SHE: variants seen among roughly 807,000 people sequenced by gnomAD.
SHE encodes SH2 domain-containing adapter protein E.
Under a neutral mutation model 49.8 loss-of-function variants are expected in SHE, and 11 were observed. The observed-to-expected ratio is 0.22, with a 90% CI of 0.14 to 0.37. The LOEUF (loss-of-function observed/expected upper bound fraction) is 0.37. Ranked by LOEUF, SHE falls within the 10% of genes least tolerant of loss-of-function variation. SHE has a pLI of 1.00. For missense variants in SHE, 624 were observed against 655.5 expected, an observed-to-expected ratio of 0.95 and a Z score of 0.52; for synonymous variants, 310 against 278.1, an observed-to-expected ratio of 1.11 and a Z score of -1.14.
At chr1:154,492,076 G>T (rs1176105808) in intron 2 of SHE, among the ~76,000 whole-genome samples, 4 of 152,102 alleles carry the variant, frequency 2.6e-5, no homozygotes, top group African/African-American at 9.7e-5. Flanking sequence ...AACAAAAAGA[G>T]GGCAACAAAT....
intron 1 of SHE, among the ~76,000 whole-genome samples, chr1:154,472,710 G>A (rs761517199): frequency 8.5e-5 from 13 of 152,182 alleles, no homozygotes; most frequent in Non-Finnish European, 1.3e-4. Flanking sequence ...GCTGGGGACC[G>A]CAGGGCTAGA....
rs143922591 is a variant in SHE, at chr1:154,486,644, T to G, written c.1064A>C (p.Glu355Ala). The G allele has an allele frequency of 5.6e-5, 91 of 1,613,930 alleles. No individual in the cohort carries two copies. In the East Asian group the frequency reaches 1.6e-3, roughly 28 times the overall value. The change falls in exon 4 of 6, where the codon GAG (glutamate) becomes GCG (alanine). Residue 355 changes from glutamate to alanine, a missense_variant. Coordinates refer to ENST00000304760, the MANE Select transcript of SHE (RefSeq NM_001010846.3). ...CTGCCGGTGGTGCTGCCTCACTGTC[T>G]CCTCCCTGAAGGAAGGTCGCTCAGC... ...EGAERPSFREETVRQHHRQKS... is the reference protein window; with the variant it reads ...EGAERPSFREATVRQHHRQKS...
rs1692278288 is a variant in SHE, at chr1:154,489,085, C to T, written c.990G>A (p.Glu330=). The T allele has an allele frequency of 6.2e-7, 1 of 1,602,802 alleles. No individual in the cohort carries two copies. Among genetic ancestry groups the T allele is most frequent in the Non-Finnish European group, 8.5e-7 (1 of 1,173,080 alleles). Residue 330 remains glutamate, a synonymous_variant, in exon 3 of 6, where the codon GAG becomes GAA. Transcript: ENST00000304760. ...CCCGCACGATCTGCTCCTTCTTCCACTCCCATGGCTGCTCGTACTCTGCCG... is the reference window on the plus strand; with the variant it reads ...CCCGCACGATCTGCTCCTTCTTCCATTCCCATGGCTGCTCGTACTCTGCCG... The part of the protein sequence containing the change: ...RPAAEYEQPW[E]WKKEQIVRAL...
chr1:154,474,010 C>G (rs1691816458), intron 1 of SHE, among the ~76,000 whole-genome samples: 1 of 152,156 alleles, frequency 6.6e-6, no homozygotes, highest in Non-Finnish European at 1.5e-5. Flanking sequence ...AAACCTGGGC[C>G]TGCTGGACTG....
downstream of SHE, among the ~76,000 whole-genome samples, chr1:154,476,046 C>A (rs747792500): frequency 1.3e-5 from 2 of 152,222 alleles, no homozygotes; most frequent in Non-Finnish European, 2.9e-5. Flanking sequence ...CTTGCAAGTA[C>A]ACCATCTGAA....
chr1:154,499,196 G>T lies in SHE; in HGVS notation c.634C>A (p.Arg212=). 1 of 1,614,052 alleles carries T rather than the reference G, an allele frequency of 6.2e-7. No individual in the cohort carries two copies. The change falls in exon 2 of 6, where the codon CGG becomes AGG. Residue 212 remains arginine (R), a synonymous_variant. Coordinates refer to ENST00000304760, the MANE Select transcript of SHE (RefSeq NM_001010846.3). ...EDYADPYDAK[R]TKGQRDAERV... is the part of the protein sequence containing the mutation. ...TCTGCATCCCTTTGACCCTTTGTCC[G>T]TTTGGCATCATAAGGGTCAGCATAG...
intron 2 of SHE, among the ~76,000 whole-genome samples, chr1:154,496,898 C>T (rs1456101644): frequency 6.6e-6 from 1 of 152,034 alleles, no homozygotes; most frequent in Non-Finnish European, 1.5e-5. Context: ...AGAATAAAAA[C>T]CCAAGGACAA....
chr1:154,472,705 G>A (rs544359797), intron 1 of SHE, among the ~76,000 whole-genome samples: 35 of 152,178 alleles, frequency 2.3e-4, no homozygotes, highest in Non-Finnish European at 4.6e-4. Flanking sequence ...TCTGTGCTGG[G>A]GACCGCAGGG....
rs1692801595 is a variant in SHE, at chr1:154,502,102, C to A, written c.-76G>T. 2 of 1,147,488 alleles carry A rather than the reference C, an allele frequency of 1.7e-6. No individual in the cohort carries two copies. The highest frequency in any genetic ancestry group is 4.4e-5 in the Admixed American group (1 of 22,666). The allele number at this position is 1,147,488 out of a possible 1,614,324, so 71.1% of individuals were successfully genotyped here. A position where few individuals can be genotyped will look rare whatever the true frequency, so the allele number is the denominator to read the frequency against. ...TCCGTGCGCCCCCGGCCGGCCGTCG[C>A]CCACGCCCGGCAGGGTGGGGTTCTC... On this transcript the variant is annotated 5_prime_UTR_variant, in exon 1 of 6. Transcript: ENST00000304760.
chr1:154,482,920 A>G lies in SHE; in HGVS notation c.*1229T>C. 1 of 985,036 alleles carries G rather than the reference A, an allele frequency of 1.0e-6. No individual in the cohort carries two copies. The highest frequency in any genetic ancestry group is 1.2e-6 in the Non-Finnish European group (1 of 829,596). The allele number at this position is 985,036 out of a possible 1,614,324, so 61.0% of individuals were successfully genotyped here. On this transcript the variant is annotated 3_prime_UTR_variant, in exon 6 of 6. Transcript: ENST00000304760. ...GGGTTGCATTTTTAAAAAATTTACTACAAAGCAAATCTAATTTTAGAGACA... is the reference window on the plus strand; with the variant it reads ...GGGTTGCATTTTTAAAAAATTTACTGCAAAGCAAATCTAATTTTAGAGACA...
intron 2 of SHE, among the ~76,000 whole-genome samples, chr1:154,490,228 G>GT (rs1692321795): frequency 6.6e-6 from 1 of 152,198 alleles, no homozygotes; most frequent in African/African-American, 2.4e-5. Flanking sequence ...ATAAATCAAA[G>GT]TAAAAGAAGT....
intron 1 of SHE, among the ~76,000 whole-genome samples, chr1:154,470,945 G>A (rs1403165541): frequency 1.3e-5 from 2 of 152,008 alleles, no homozygotes; most frequent in African/African-American, 4.8e-5. Context: ...GGGAGGCGGA[G>A]GTTTCAGTGA....
At chr1:154,470,355 G>A in exon 2 of SHE, 1 of 1,289,206 alleles carries the variant, frequency 7.8e-7, no homozygotes, top group Non-Finnish European at 1.0e-6. Flanking sequence ...GAGAGCAGAT[G>A]GTGATTTCTG....
At chr1:154,477,306 A>G (rs1262101105), downstream of SHE, among the ~76,000 whole-genome samples, 1 of 152,232 alleles carries the variant, frequency 6.6e-6, no homozygotes, top group African/African-American at 2.4e-5. Flanking sequence ...GTAAGATAAT[A>G]GACTGGCATT....
At chr1:154,479,071 T>A (rs556293329), downstream of SHE, among the ~76,000 whole-genome samples, 18 of 152,292 alleles carry the variant, frequency 1.2e-4, no homozygotes, top group South Asian at 6.2e-4. Flanking sequence ...AATTTTTTTT[T>A]AAAATAGGTT....
At position 154,483,035 on chromosome 1, in the gene SHE, A is replaced by G; in HGVS notation, c.*1114T>C. On this transcript the variant is annotated 3_prime_UTR_variant, in exon 6 of 6. Transcript: ENST00000304760. ...TTCTATGTAATTAATTCAGTAAAAA[A>G]ACAGTTGTGGAGCTTTGCAAATTTC... 1.0e-6 allele frequency: 1 copy of G among 984,950 alleles called. No homozygotes were observed. Among genetic ancestry groups the G allele is most frequent in the Non-Finnish European group, 1.2e-6 (1 of 829,486 alleles). 61.0% of individuals were successfully genotyped at this position (984,950 alleles called of 1,614,324 possible). A position where few individuals can be genotyped will look rare whatever the true frequency, so the allele number is the denominator to read the frequency against.
intron 2 of SHE, 120 bp downstream of exon 2, chr1:154,498,992 A>G: frequency 7.6e-7 from 1 of 1,312,020 alleles, no homozygotes; most frequent in Non-Finnish European, 1.0e-6. Context: ...TGTTTCTTCA[A>G]GTCAGCAGGA....
At chr1:154,475,637 AAT>A (rs547597591), downstream of SHE, among the ~76,000 whole-genome samples, 33 of 152,340 alleles carry the variant, frequency 2.2e-4, no homozygotes, top group African/African-American at 7.7e-4. Flanking sequence ...TCTATTTTGG[AAT>A]AGTCCAATCA....
rs1309572173 is a variant in SHE at position 154,501,791 on chromosome 1, C to T, written c.236G>A (p.Gly79Asp). The change falls in exon 1 of 6, where the codon GGC becomes GAC. Residue 79 changes from glycine (G) to aspartate (D), a missense_variant. Physicochemically the swap from Gly to Asp is moderately conservative, Grantham distance 94. This residue lies in a region of SHE where 337 missense variants were observed against 306.0 expected (regional missense o/e 1.10). Transcript: ENST00000304760. Reference sequence around the variant, plus strand: ...GGCCGCCGAGTTCTTGCGGCCCTTGCCAGGACCCGGCCCAGCGCCGCCCGC... The same window carrying T: ...GGCCGCCGAGTTCTTGCGGCCCTTGTCAGGACCCGGCCCAGCGCCGCCCGC... ...SEAGGAGPGPGKGRKNSAAEL... is the reference protein window; with the variant it reads ...SEAGGAGPGPDKGRKNSAAEL... 3.2e-6 allele frequency: 5 copies of T among 1,558,730 alleles called. No homozygotes were observed. Among genetic ancestry groups the T allele is most frequent in the Middle Eastern group, 1.8e-4 (1 of 5,666 alleles).
Sources: allele counts gnomAD v4.1 joint callset (sites outside exome capture counted in the v4.1 genomes callset), GRCh38; gene constraint gnomAD v4.1.1; regional missense constraint gnomAD v4.1.1; transcripts MANE v1.5; gene names NCBI Gene and HGNC (gene_info 2026-07-23, HGNC 2026-07-21).